Variants in KCNH8 observed in about 807,000 individuals in gnomAD.
KCNH8 encodes potassium voltage-gated channel subfamily H member 8, also known as voltage-gated delayed rectifier potassium channel KCNH8.
KCNH8 carries 70 observed loss-of-function variants against 103.6 expected under a neutral mutation model. That is an observed-to-expected ratio of 0.68 (90% CI 0.56 to 0.82). The LOEUF is 0.82. Among genes scored for constraint, KCNH8 ranks in the 40% least tolerant of loss-of-function variants. The pLI is 0.00. For missense variants in KCNH8, 1,217 were observed against 1,329.9 expected (o/e 0.92, Z 1.32); for synonymous variants, 498 against 489.4 (o/e 1.02, Z -0.23).
Position 19,155,115 on chromosome 3 carries a change from A to C in KCNH8, c.76+6320A>C, listed in dbSNP as rs80137065. ...TTAATACAACCATCTTTGTCACATAAACTCTTCAAATGCCACATGTCCCCA... is the reference window on the plus strand; with the variant it reads ...TTAATACAACCATCTTTGTCACATACACTCTTCAAATGCCACATGTCCCCA... On this transcript the variant is annotated intron_variant, in intron 1 of 15. Coordinates refer to ENST00000328405, the MANE Select transcript of KCNH8 (RefSeq NM_144633.3). 7.0e-3 allele frequency among the ~76,000 whole-genome samples: 1,068 copies of C among 152,254 alleles called. 21 individuals are homozygous for C. The highest frequency in any genetic ancestry group is 0.04 in the Admixed American group (608 of 15,302).
intron 5 of KCNH8, among the ~76,000 whole-genome samples, chr3:19,360,378 T>A (rs1467191330): frequency 6.6e-6 from 1 of 152,074 alleles, no homozygotes; most frequent in Admixed American, 6.6e-5. Context: ...AGAGCAGGGA[T>A]TGGCAAACCA....
chr3:19,375,078 T>A (rs1427229812), intron 5 of KCNH8, among the ~76,000 whole-genome samples: 1 of 151,626 alleles, frequency 6.6e-6, no homozygotes, highest in East Asian at 1.9e-4. Flanking sequence ...CTGACAATTA[T>A]GTGTCTTGGA....
At chr3:19,306,856 C>T (rs1040492491) in intron 3 of KCNH8, among the ~76,000 whole-genome samples, 2 of 151,942 alleles carry the variant, frequency 1.3e-5, no homozygotes, top group African/African-American at 2.4e-5. Flanking sequence ...AACAAAAGAT[C>T]CATTTTCTAA....
At chr3:19,512,615 G>C (rs1340881417) in intron 12 of KCNH8, among the ~76,000 whole-genome samples, 1 of 152,098 alleles carries the variant, frequency 6.6e-6, no homozygotes, top group Non-Finnish European at 1.5e-5. Flanking sequence ...TTATTTCTAA[G>C]AGCATGCCAT....
At chr3:19,439,912 G>A (rs866043544) in intron 8 of KCNH8, among the ~76,000 whole-genome samples, 1 of 151,784 alleles carries the variant, frequency 6.6e-6, no homozygotes, top group Non-Finnish European at 1.5e-5. Context: ...GGAACTGAAG[G>A]GAAGGAAGAA....
chr3:19,386,521 C>T (rs188740569), intron 5 of KCNH8, among the ~76,000 whole-genome samples: 1 of 152,106 alleles, frequency 6.6e-6, no homozygotes, highest in Non-Finnish European at 1.5e-5. Context: ...AGACATTAAG[C>T]TTTCTAGGTG....
intron 5 of KCNH8, among the ~76,000 whole-genome samples, chr3:19,376,387 TTGAC>T (rs1205121592): frequency 6.6e-6 from 1 of 152,152 alleles, no homozygotes; most frequent in Non-Finnish European, 1.5e-5. Context: ...ACCCCTTTCT[TTGAC>T]TGGGAAAGGG....
At chr3:19,239,150 T>C (rs1358620372) in intron 1 of KCNH8, among the ~76,000 whole-genome samples, 2 of 151,174 alleles carry the variant, frequency 1.3e-5, no homozygotes, top group Non-Finnish European at 2.9e-5. Context: ...TTTAAACAAA[T>C]AGGACTTTTT....
chr3:19,160,442 C>CA (rs1473473483), intron 1 of KCNH8, among the ~76,000 whole-genome samples: 1 of 152,114 alleles, frequency 6.6e-6, no homozygotes, highest in East Asian at 1.9e-4. Context: ...ACCACCACCA[C>CA]AGTCAAGATT....
chr3:19,151,117 G>T (rs1400996839), intron 1 of KCNH8, among the ~76,000 whole-genome samples: 1 of 150,950 alleles, frequency 6.6e-6, no homozygotes, highest in Non-Finnish European at 1.5e-5. Context: ...TAGAATAATG[G>T]GTATACCATT....
At chr3:19,331,580 C>T (rs889071667) in intron 3 of KCNH8, among the ~76,000 whole-genome samples, 3 of 152,016 alleles carry the variant, frequency 2.0e-5, no homozygotes, top group Non-Finnish European at 4.4e-5. Flanking sequence ...CGTGAGCCAC[C>T]GTTCCCGGCC....
intron 2 of KCNH8, among the ~76,000 whole-genome samples, chr3:19,273,512 A>G (rs529410739): frequency 3.5e-4 from 53 of 152,220 alleles, no homozygotes; most frequent in African/African-American, 1.2e-3. Flanking sequence ...TCTCTTTGCT[A>G]TTTTCAGTCT....
intron 1 of KCNH8, among the ~76,000 whole-genome samples, chr3:19,245,991 T>C (rs1002412834): frequency 1.3e-5 from 2 of 152,150 alleles, no homozygotes; most frequent in African/African-American, 4.8e-5. Flanking sequence ...ACAATAAACC[T>C]GACAAGAATT....
chr3:19,377,458 A>G (rs1449934125), intron 5 of KCNH8, among the ~76,000 whole-genome samples: 6 of 152,230 alleles, frequency 3.9e-5, no homozygotes, highest in African/African-American at 1.2e-4. Context: ...ACGTAGGGAC[A>G]ATTTCTTTTT....
At chr3:19,222,311 A>G (rs1057495492) in intron 1 of KCNH8, among the ~76,000 whole-genome samples, 3 of 152,236 alleles carry the variant, frequency 2.0e-5, no homozygotes, top group Non-Finnish European at 2.9e-5. Context: ...TTTGCAGATA[A>G]TATGAGAGAA....
chr3:19,292,384 G>A (rs549514005), intron 3 of KCNH8, among the ~76,000 whole-genome samples: 3 of 152,248 alleles, frequency 2.0e-5, no homozygotes, highest in Middle Eastern at 3.4e-3. Flanking sequence ...GCATTTCTTG[G>A]TTGTCTAAGT....
intron 1 of KCNH8, among the ~76,000 whole-genome samples, chr3:19,173,792 T>C (rs2063371341): frequency 1.3e-5 from 2 of 152,290 alleles, no homozygotes; most frequent in South Asian, 4.1e-4. Context: ...CTGATTCTCT[T>C]GATTATTGCA....
intron 7 of KCNH8, among the ~76,000 whole-genome samples, chr3:19,422,094 G>A (rs564088688): frequency 3.3e-5 from 5 of 152,112 alleles, no homozygotes; most frequent in South Asian, 2.1e-4. Flanking sequence ...CAATCAAAAC[G>A]GTTGGGTCAA....
intron 7 of KCNH8, among the ~76,000 whole-genome samples, chr3:19,416,082 T>A (rs964922295): frequency 2.6e-5 from 4 of 152,154 alleles, no homozygotes; most frequent in Non-Finnish European, 4.4e-5. Flanking sequence ...TAAAAATTTT[T>A]AAATTATCAT....
Sources: allele counts gnomAD v4.1 joint callset (sites outside exome capture counted in the v4.1 genomes callset), GRCh38; gene constraint gnomAD v4.1.1; transcripts MANE v1.5; gene names NCBI Gene and HGNC (gene_info 2026-07-23, HGNC 2026-07-21).